Variants in ACOXL observed in about 807,000 individuals in gnomAD.
ACOXL encodes acyl-coenzyme A oxidase-like protein.
A neutral mutation model predicts 71.9 loss-of-function variants in ACOXL; 70 were observed. The observed-to-expected ratio is 0.97, with a 90% CI of 0.80 to 1.19. The LOEUF (loss-of-function observed/expected upper bound fraction) is 1.19. ACOXL is among the 50% of genes most tolerant of loss of function. The pLI is 0.00. For missense variants in ACOXL, 703 were observed against 736.3 expected (o/e 0.95, Z 0.52); for synonymous variants, 253 against 281.6 (o/e 0.90, Z 1.02).
At chr2:110,792,815 CAAAA>C (rs1022138071) in intron 3 of ACOXL, among the ~76,000 whole-genome samples, 12 of 152,054 alleles carry the variant, frequency 7.9e-5, no homozygotes, top group Admixed American at 7.2e-4. Flanking sequence ...AAAACAAAAA[CAAAA>C]AACCCACAAA....
chr2:110,980,816 C>T (rs987785234), intron 12 of ACOXL, among the ~76,000 whole-genome samples: 12 of 152,226 alleles, frequency 7.9e-5, no homozygotes, highest in South Asian at 4.1e-4. Context: ...GCTCTGCCCG[C>T]GGCCCTGAAA....
At position 111,092,912 on chromosome 2, in the gene ACOXL, G is replaced by A; in HGVS notation, c.1488G>A (p.Trp496Ter). The change falls in exon 17 of 18, where the codon TGG becomes TGA. Residue 496 changes from tryptophan (W) to a stop codon, truncating the protein, a stop_gained. Coordinates refer to ENST00000439055, the MANE Select transcript of ACOXL (RefSeq NM_001142807.4). LOFTEE classifies it high-confidence loss of function. The part of the protein sequence containing the change: ...GTKLVFQERA[W>*]YLEHKYLTPM... ...AGCTGGTGTTTCAGGAGCGGGCCTG[G>A]TATTTAGAACATAAATACTTGACTC... is the stretch of plus-strand genomic sequence containing the variant. 6.2e-7 allele frequency: 1 copy of A among 1,614,010 alleles called. No individual in the cohort carries two copies. Among genetic ancestry groups the A allele is most frequent in the Non-Finnish European group, 8.5e-7 (1 of 1,179,984 alleles).
intron 12 of ACOXL, among the ~76,000 whole-genome samples, chr2:110,970,536 G>A (rs184175258): frequency 9.2e-5 from 14 of 152,284 alleles, no homozygotes; most frequent in African/African-American, 2.9e-4. Flanking sequence ...ATGCTTAATC[G>A]TGGAACATTG....
At chr2:110,922,822 C>G (rs1241903784) in intron 11 of ACOXL, among the ~76,000 whole-genome samples, 5 of 152,102 alleles carry the variant, frequency 3.3e-5, no homozygotes, top group Admixed American at 3.3e-4. Context: ...AGAAAGAACC[C>G]CAGAGCCCTT....
At chr2:110,955,982 A>G (rs955812319) in intron 12 of ACOXL, among the ~76,000 whole-genome samples, 1 of 123,876 alleles carries the variant, frequency 8.1e-6, no homozygotes, top group African/African-American at 3.2e-5. Context: ...TCTGTTGCCC[A>G]GGCTAGAGTG....
At chr2:111,054,596 A>G (rs2066442272) in intron 16 of ACOXL, among the ~76,000 whole-genome samples, 1 of 152,182 alleles carries the variant, frequency 6.6e-6, no homozygotes, top group East Asian at 1.9e-4. Flanking sequence ...CCAAGTATGA[A>G]TGCTGCCCCC....
chr2:111,116,919 G>A (rs1244111018), intron 17 of ACOXL, among the ~76,000 whole-genome samples: 2 of 152,184 alleles, frequency 1.3e-5, no homozygotes, highest in Non-Finnish European at 2.9e-5. Context: ...CCTATCCGCC[G>A]GGAATGTCTT....
chr2:110,981,312 C>T (rs1045035238), intron 12 of ACOXL, among the ~76,000 whole-genome samples: 41 of 152,142 alleles, frequency 2.7e-4, no homozygotes, highest in Non-Finnish European at 2.2e-4. Flanking sequence ...GAGCTGAGAT[C>T]GCACCACTGC....
intron 16 of ACOXL, among the ~76,000 whole-genome samples, chr2:111,075,018 G>A (rs2067526831): frequency 6.6e-6 from 1 of 152,126 alleles, no homozygotes; most frequent in Non-Finnish European, 1.5e-5. Context: ...TTGCATCTAT[G>A]TTCCTGAGAA....
chr2:110,855,042 T>C (rs1693070072), intron 10 of ACOXL, among the ~76,000 whole-genome samples: 2 of 152,212 alleles, frequency 1.3e-5, no homozygotes, highest in Non-Finnish European at 2.9e-5. Flanking sequence ...TTAAATCACA[T>C]GTCTTCTGTG....
At chr2:111,064,566 T>C (rs753411304) in intron 16 of ACOXL, among the ~76,000 whole-genome samples, 3 of 152,198 alleles carry the variant, frequency 2.0e-5, no homozygotes, top group Non-Finnish European at 4.4e-5. Flanking sequence ...AAGTAGTTGT[T>C]GTATTGTTTA....
At chr2:110,958,733 A>G (rs924843875) in intron 12 of ACOXL, among the ~76,000 whole-genome samples, 1 of 152,094 alleles carries the variant, frequency 6.6e-6, no homozygotes, top group African/African-American at 2.4e-5. Flanking sequence ...AGGTGTGGCA[A>G]TTTCCCCAGA....
chr2:111,043,539 G>A (rs79450777), intron 15 of ACOXL, among the ~76,000 whole-genome samples: 5 of 152,152 alleles, frequency 3.3e-5, no homozygotes, highest in East Asian at 3.9e-4. Context: ...GACAGTGGGC[G>A]CAGTGTCCCA....
chr2:111,057,216 C>T (rs948546130), intron 16 of ACOXL, among the ~76,000 whole-genome samples: 3 of 152,082 alleles, frequency 2.0e-5, no homozygotes, highest in Non-Finnish European at 2.9e-5. Flanking sequence ...CTGGTGGTGT[C>T]GATGTGACAC....
chr2:111,056,753 A>C (rs2066560329), intron 16 of ACOXL, among the ~76,000 whole-genome samples: 1 of 146,106 alleles, frequency 6.8e-6, no homozygotes. Flanking sequence ...GCACCACTGC[A>C]CTTCAGCCTG....
intron 16 of ACOXL, among the ~76,000 whole-genome samples, chr2:111,083,264 G>T (rs1215129950): frequency 3.2e-4 from 48 of 152,196 alleles, no homozygotes; most frequent in Non-Finnish European, 6.0e-4. Context: ...TGTAAAAAGG[G>T]GGCTGTGTCA....
chr2:110,869,551 C>T (rs1021972949), intron 10 of ACOXL, among the ~76,000 whole-genome samples: 6 of 152,174 alleles, frequency 3.9e-5, no homozygotes, highest in Admixed American at 6.5e-5. Context: ...CACTCTCCAG[C>T]GCTGGGGCTC....
At chr2:110,749,132 G>A (rs1573321684) in intron 1 of ACOXL, among the ~76,000 whole-genome samples, 1 of 152,218 alleles carries the variant, frequency 6.6e-6, no homozygotes. Flanking sequence ...TTCAAATTTG[G>A]TATCTGAAGA....
At chr2:110,760,423 C>T (rs1270417422) in intron 1 of ACOXL, among the ~76,000 whole-genome samples, 6 of 152,196 alleles carry the variant, frequency 3.9e-5, no homozygotes, top group African/African-American at 9.6e-5. Flanking sequence ...GGATTACAGG[C>T]GTGAGCCACC....
Sources: allele counts gnomAD v4.1 joint callset (sites outside exome capture counted in the v4.1 genomes callset), GRCh38; gene constraint gnomAD v4.1.1; transcripts MANE v1.5; gene names NCBI Gene and HGNC (gene_info 2026-07-23, HGNC 2026-07-21).